NUP153: variants seen among roughly 807,000 people sequenced by gnomAD.
NUP153 encodes the protein nucleoporin 153.
In NUP153, 27 loss-of-function variants were observed where a neutral mutation model predicts 134.6. That is an observed-to-expected ratio of 0.20 (90% CI 0.15 to 0.28). The LOEUF is 0.28. Among genes scored for constraint, NUP153 ranks in the 10% least tolerant of loss-of-function variants. The probability of loss-of-function intolerance (pLI) is 1.00; values close to 1 mark genes in which losing one functional copy is unlikely to be tolerated. For missense variants in NUP153, 1,821 were observed against 1,731.3 expected (o/e 1.05, Z -0.92); for synonymous variants, 640 against 623.5 (o/e 1.03, Z -0.40).
At chr6:17,642,110 CAT>C (rs1229557170) in intron 14 of NUP153, among the ~76,000 whole-genome samples, 2 of 152,042 alleles carry the variant, frequency 1.3e-5, no homozygotes, top group African/African-American at 4.8e-5. Flanking sequence ...CTAAATATGA[CAT>C]AAACACCATA....
In NUP153 at chr6:17,667,395, C is replaced by A. The variant is rs1195582148; in HGVS notation, c.1068+1580G>T. Reference sequence around the variant, plus strand: ...AATTTAAATAATTACTTTTGAGGAACTTGGTATTCCAAGAAATGTTTTCAA... The same window carrying A: ...AATTTAAATAATTACTTTTGAGGAAATTGGTATTCCAAGAAATGTTTTCAA... On this transcript the variant is annotated intron_variant, in intron 8 of 21. Transcript: ENST00000262077. 3.3e-5 allele frequency among the ~76,000 whole-genome samples: 5 copies of A among 152,124 alleles called. No individual in the cohort carries two copies. The East Asian group carries it at 9.6e-4, about 29-fold the overall frequency.
intron 11 of NUP153, among the ~76,000 whole-genome samples, chr6:17,659,884 G>A (rs1282150467): frequency 6.6e-6 from 1 of 152,124 alleles, no homozygotes; most frequent in East Asian, 1.9e-4. Context: ...GGCATTCAAG[G>A]TATTTCCTTT....
At chr6:17,633,848 C>A (rs1458554325) in intron 16 of NUP153, among the ~76,000 whole-genome samples, 1 of 152,126 alleles carries the variant, frequency 6.6e-6, no homozygotes, top group Non-Finnish European at 1.5e-5. Context: ...TCTTGCCAAC[C>A]AAATTGCTCC....
At chr6:17,696,607 T>C (rs1769660386) in intron 1 of NUP153, among the ~76,000 whole-genome samples, 1 of 151,852 alleles carries the variant, frequency 6.6e-6, no homozygotes, top group South Asian at 2.1e-4. Flanking sequence ...TATAAAAAAT[T>C]AGCTGGGTGT....
intron 1 of NUP153, among the ~76,000 whole-genome samples, chr6:17,704,753 TCTTTA>T (rs1770366129): frequency 6.7e-6 from 1 of 149,292 alleles, no homozygotes. Context: ...ATTCCTCAAA[TCTTTA>T]CTTTTTTTTT....
chr6:17,641,171 T>G (rs1181268087), intron 14 of NUP153, among the ~76,000 whole-genome samples: 1 of 152,162 alleles, frequency 6.6e-6, no homozygotes, highest in Non-Finnish European at 1.5e-5. Flanking sequence ...TTGGGATTGT[T>G]GAAGAGTGAC....
chr6:17,699,323 C>T (rs549405568), intron 1 of NUP153, among the ~76,000 whole-genome samples: 5 of 151,416 alleles, frequency 3.3e-5, no homozygotes, highest in African/African-American at 1.2e-4. Flanking sequence ...GGTGAAACCC[C>T]GTCCCTACTA....
rs537877030 is a variant in NUP153, at chr6:17,637,716, G to C, written c.1901C>G (p.Pro634Arg). The stretch of plus-strand genomic sequence containing the variant: ...TATTGCTGGTCTTGTATAAACTACT[G>C]GGCTTGTTGCGGTGGGCTGAGCAGC... ...SVAAQPTATS[P>R]VVYTRPAISS... The change falls in exon 16 of 22, where the codon CCA (proline) becomes CGA (arginine). Residue 634 changes from proline to arginine, a missense_variant. By Grantham distance (103) the Pro-to-Arg change is moderately radical. Coordinates refer to ENST00000262077, the MANE Select transcript of NUP153 (RefSeq NM_005124.4). The C allele has an allele frequency of 6.2e-7, 1 of 1,607,962 alleles. No individual in the cohort carries two copies. Among genetic ancestry groups the C allele is most frequent in the Admixed American group, 1.7e-5 (1 of 60,010 alleles).
At chr6:17,691,329 C>G (rs1016342711) in intron 1 of NUP153, among the ~76,000 whole-genome samples, 2 of 152,184 alleles carry the variant, frequency 1.3e-5, no homozygotes, top group Non-Finnish European at 2.9e-5. Flanking sequence ...GCTAATATTA[C>G]ACAGTATTAG....
intron 1 of NUP153, among the ~76,000 whole-genome samples, chr6:17,696,472 A>T (rs1194239756): frequency 6.6e-6 from 1 of 152,150 alleles, no homozygotes; most frequent in Non-Finnish European, 1.5e-5. Context: ...ATTTAAAAAC[A>T]AGGCCAGGCA....
At chr6:17,668,842 C>CAAA in intron 8 of NUP153, 133 bp downstream of exon 8, 4 of 494,178 alleles carry the variant, frequency 8.1e-6, no homozygotes, top group Non-Finnish European at 1.4e-5. Context: ...GACTGAGACT[C>CAAA]AAAAAAAAAA....
At chr6:17,700,938 A>G (rs1770016719) in intron 1 of NUP153, among the ~76,000 whole-genome samples, 1 of 152,190 alleles carries the variant, frequency 6.6e-6, no homozygotes, top group Non-Finnish European at 1.5e-5. Flanking sequence ...CTTTTTAAAA[A>G]TAGCTAAGCA....
chr6:17,669,364 T>A, intron 6 of NUP153, 27 bp from the exon 7 acceptor site: 1 of 1,604,174 alleles, frequency 6.2e-7, no homozygotes, highest in Non-Finnish European at 8.5e-7. Flanking sequence ...AATAACAAAA[T>A]TAAGATTTTT....
rs373234983 is a variant in NUP153, at chr6:17,685,375, G to A, written c.334+3021C>T. ...ATCCTGGCTAACACGGAGAAACCCC[G>A]TCTTTACTAAAAATACAAAAAAAAA... On this transcript the variant is annotated intron_variant, in intron 2 of 21. Transcript: ENST00000262077. Among the ~76,000 whole-genome samples the A allele has an allele frequency of 9.2e-5, 14 of 151,870 alleles. No individual in the cohort carries two copies. The South Asian group carries it at 1.0e-3, about 11-fold the overall frequency.
At chr6:17,698,235 G>A (rs984678947) in intron 1 of NUP153, among the ~76,000 whole-genome samples, 1 of 152,174 alleles carries the variant, frequency 6.6e-6, no homozygotes, top group African/African-American at 2.4e-5. Context: ...GCTGCTGAAT[G>A]GCATAGGCTT....
Position 17,624,765 on chromosome 6 carries a change from T to G in NUP153, c.3970A>C (p.Thr1324Pro). Residue 1324 changes from threonine (T) to proline (P), a missense_variant, in exon 20 of 22, where the codon ACC becomes CCC. Physicochemically the swap from Thr to Pro is conservative, Grantham distance 38. Transcript: ENST00000262077. ...CCTTGACTTTGTCCAAATGTTGGGG[T>G]CTGGTTAGCACCAAATGCTGGACTG... The part of the protein sequence containing the change: ...SASPAFGANQ[T>P]PTFGQSQGAS... 3 of 1,614,040 alleles carry G rather than the reference T, an allele frequency of 1.9e-6. No homozygotes were observed. Among genetic ancestry groups the G allele is most frequent in the Non-Finnish European group, 2.5e-6 (3 of 1,179,986 alleles).
chr6:17,650,466 A>G (rs898844853), intron 11 of NUP153, among the ~76,000 whole-genome samples: 11 of 152,162 alleles, frequency 7.2e-5, no homozygotes, highest in African/African-American at 2.7e-4. Flanking sequence ...AGAAAACTAA[A>G]AAGTTTCAGC....
chr6:17,682,928 A>G (rs77275907), intron 2 of NUP153, among the ~76,000 whole-genome samples: 7,786 of 149,752 alleles, frequency 0.052, 538 homozygotes, highest in East Asian at 0.28. Context: ...AAAAGAAGAA[A>G]AAAAAAAAAA....
At chr6:17,703,539 T>C (rs1274815293) in intron 1 of NUP153, among the ~76,000 whole-genome samples, 5 of 152,054 alleles carry the variant, frequency 3.3e-5, no homozygotes. Context: ...TCATGATGAC[T>C]CAGCAGCTTC....
Sources: allele counts gnomAD v4.1 joint callset (sites outside exome capture counted in the v4.1 genomes callset), GRCh38; gene constraint gnomAD v4.1.1; transcripts MANE v1.5; gene names NCBI Gene and HGNC (gene_info 2026-07-23, HGNC 2026-07-21).